DLK1: variants seen among roughly 807,000 people sequenced by gnomAD.
The protein encoded by DLK1 is delta like non-canonical Notch ligand 1.
In DLK1, 9 loss-of-function variants were observed where a neutral mutation model predicts 35.2. The observed-to-expected ratio is 0.26, with a 90% confidence interval of 0.15 to 0.45. The LOEUF (loss-of-function observed/expected upper bound fraction) is 0.45. Among genes scored for constraint, DLK1 ranks in the 20% least tolerant of loss-of-function variants. DLK1 has a pLI of 1.00. For synonymous variants in DLK1, 231 were observed against 228.4 expected, an observed-to-expected ratio of 1.01 and a Z score of -0.10; for missense variants, 522 against 528.5, an observed-to-expected ratio of 0.99 and a Z score of 0.12.
At position 100,734,671 on chromosome 14, in the gene DLK1, C is replaced by T. The variant is rs780782409; in HGVS notation, c.927C>T (p.Ile309=). 5.0e-6 allele frequency: 8 copies of T among 1,614,090 alleles called. No individual in the cohort carries two copies. Among genetic ancestry groups the T allele is most frequent in the Non-Finnish European group, 6.8e-6 (8 of 1,180,036 alleles). The change falls in exon 5 of 5, where the codon ATC becomes ATT. Residue 309 remains isoleucine, a synonymous_variant. Transcript: ENST00000341267. The surrounding 1 kb of genome is among the most constrained non-coding windows in gnomAD (Gnocchi z 7.4). ...AGGGCCAGGCCATCTGCTTCACCAT[C>T]CTGGGCGTGCTCACCAGCCTGGTGG... ...LTEGQAICFT[I]LGVLTSLVVL...
chr14:100,734,863 C>CTGA lies in DLK1; in HGVS notation c.1120_1121insGAT (p.Thr373_Phe374insTer). 6.2e-7 allele frequency: 1 copy of CTGA among 1,602,704 alleles called. No individual in the cohort carries two copies. Among genetic ancestry groups the CTGA allele is most frequent in the Non-Finnish European group, 8.5e-7 (1 of 1,174,426 alleles). On this transcript the variant is annotated stop_gained and inframe_insertion, in exon 5 of 5. Transcript: ENST00000341267. LOFTEE classifies it high-confidence loss of function. The surrounding 1 kb of genome is among the most constrained non-coding windows in gnomAD (Gnocchi z 7.4). The stretch of plus-strand genomic sequence containing the variant: ...TCCCCGAGAAGATCGACATGACCAC[C>CTGA]TTCAGCAAGGAGGCCGGCGACGAGG...
In DLK1 at chr14:100,734,446, G is replaced by A; in HGVS notation, c.702G>A (p.Leu234=). 6.2e-7 allele frequency: 1 copy of A among 1,612,086 alleles called. No individual in the cohort carries two copies. Among genetic ancestry groups the A allele is most frequent in the Non-Finnish European group, 8.5e-7 (1 of 1,179,192 alleles). The change falls in exon 5 of 5, where the codon CTG becomes CTA. Residue 234 remains leucine, a synonymous_variant. Transcript: ENST00000341267. The surrounding 1 kb of genome is among the most constrained non-coding windows in gnomAD (Gnocchi z 7.4). ...LQHTQVSYEC[L]CKPEFTGLTC... ...ACACCCAGGTGAGCTACGAGTGTCT[G>A]TGCAAGCCCGAGTTCACAGGTCTCA...
intron 2 of DLK1, 90 bp from the exon 3 acceptor site, chr14:100,728,846 G>T: frequency 6.5e-7 from 1 of 1,536,594 alleles, no homozygotes; most frequent in South Asian, 1.2e-5. Flanking sequence ...AGACCCCCAA[G>T]GGTCCTTGGT....
At position 100,737,581 on chromosome 14, in the gene DLK1, G is replaced by A; in HGVS notation, c.*2685G>A. 1 of 152,342 alleles carries A rather than the reference G, an allele frequency of 6.6e-6. No individual in the cohort carries two copies. Among genetic ancestry groups the A allele is most frequent in the Non-Finnish European group, 1.5e-5 (1 of 68,146 alleles). The allele number at this position is 152,342 out of a possible 1,614,324, so 9.4% of individuals were successfully genotyped here. On this transcript the variant is annotated 3_prime_UTR_variant, in exon 5 of 5. Coordinates refer to ENST00000341267, the MANE Select transcript of DLK1 (RefSeq NM_003836.7). ...CACCGTCCACAACCCATCTGATCAG[G>A]AAGCATTTCCAGGCACCTGCGGAGC... is the stretch of plus-strand genomic sequence containing the variant.
chr14:100,732,223 T>G, intron 4 of DLK1, 40 bp downstream of exon 4: 1 of 1,593,364 alleles, frequency 6.3e-7, no homozygotes, highest in Non-Finnish European at 8.6e-7. Flanking sequence ...GAATGCTGCT[T>G]TTCATGCGGC....
Position 100,731,999 on chromosome 14 carries a change from A to G in DLK1, c.263-43A>G, listed in dbSNP as rs966622956. 1.9e-6 allele frequency: 3 copies of G among 1,587,170 alleles called. No homozygotes were observed. In the South Asian group the frequency reaches 3.4e-5, roughly 18 times the overall value. On this transcript the variant is annotated intron_variant, in intron 3 of 4. Coordinates refer to ENST00000341267, the MANE Select transcript of DLK1 (RefSeq NM_003836.7). The stretch of plus-strand genomic sequence containing the variant: ...ACTGGGGCCCGCATCACGCTCGTGT[A>G]TGGAGAGGAAGCTAAGTTCTCGTCT...
At chr14:100,732,693 T>G (rs566093021) in intron 4 of DLK1, among the ~76,000 whole-genome samples, 1 of 152,126 alleles carries the variant, frequency 6.6e-6, no homozygotes, top group Non-Finnish European at 1.5e-5. Flanking sequence ...TCGGCTATCC[T>G]CAGTGGGGAA....
intron 3 of DLK1, among the ~76,000 whole-genome samples, chr14:100,730,923 A>G (rs1017854653): frequency 6.6e-6 from 1 of 151,934 alleles, no homozygotes; most frequent in Non-Finnish European, 1.5e-5. Context: ...TGAGAGGGGG[A>G]AAAAATACGC....
At position 100,728,448 on chromosome 14, in the gene DLK1, C is replaced by T. The variant is rs1358229758; in HGVS notation, c.120C>T (p.Asp40=). The change falls in exon 2 of 5, where the codon GAC becomes GAT. Residue 40 remains aspartate (D), a synonymous_variant. Transcript: ENST00000341267. The stretch of plus-strand genomic sequence containing the variant: ...CCCAAAATGGATTCTGCGAGGATGA[C>T]AATGTTTGCAGGTAATAGAGTGGCT... ...CNPQNGFCED[D]NVCRCQPGWQ... is the part of the protein sequence containing the mutation. 1.2e-6 allele frequency: 2 copies of T among 1,613,980 alleles called. No homozygotes were observed. Among genetic ancestry groups the T allele is most frequent in the Non-Finnish European group, 8.5e-7 (1 of 1,179,936 alleles).
In DLK1 at chr14:100,728,771, C is replaced by G. The variant is rs559373563; in HGVS notation, c.132-165C>G. The G allele has an allele frequency of 2.7e-5, 27 of 1,005,100 alleles. No individual in the cohort carries two copies. In the African/African-American group the frequency reaches 4.0e-4, roughly 15 times the overall value. The allele number at this position is 1,005,100 out of a possible 1,614,324, so 62.3% of individuals were successfully genotyped here. A position where few individuals can be genotyped will look rare whatever the true frequency, so the allele number is the denominator to read the frequency against. On this transcript the variant is annotated intron_variant, in intron 2 of 4. Coordinates refer to ENST00000341267, the MANE Select transcript of DLK1 (RefSeq NM_003836.7). ...GCCCCCTCAGCTTGGCATGTTTTCT[C>G]TTTAAGTTTTCCCATTCAGGTGGCT... is the stretch of plus-strand genomic sequence containing the variant.
intron 4 of DLK1, among the ~76,000 whole-genome samples, chr14:100,732,795 C>T (rs75560398): frequency 0.014 from 2,207 of 152,308 alleles, 42 homozygotes; most frequent in African/African-American, 0.05. Flanking sequence ...CCCAGCAGCT[C>T]AGCCTCTGCC....
chr14:100,734,946 C>T lies in DLK1; in HGVS notation c.*50C>T, dbSNP rs759340429. On this transcript the variant is annotated 3_prime_UTR_variant, in exon 5 of 5. Transcript: ENST00000341267. This position sits in a 1 kb window ranked among gnomAD's most constrained non-coding sequence, Gnocchi z 7.4. ...GATTCTTGGAGTTCCGCAGAGCTTA[C>T]TATACGCGGTCTGTCCTAATCTTTG... 4.6e-6 allele frequency: 7 copies of T among 1,523,084 alleles called. 1 individual carries two copies. In the Admixed American group the frequency reaches 1.4e-4, roughly 31 times the overall value. 94.3% of individuals were successfully genotyped at this position (1,523,084 alleles called of 1,614,324 possible).
intron 1 of DLK1, 66 bp from the exon 2 acceptor site, chr14:100,728,330 G>C (rs1183608321): frequency 1.3e-6 from 2 of 1,580,838 alleles, no homozygotes; most frequent in South Asian, 1.1e-5. Context: ...CTGTGTGGGC[G>C]AAGACAGCCT....
At chr14:100,728,068 C>T (rs1164916678) in intron 1 of DLK1, among the ~76,000 whole-genome samples, 1 of 152,192 alleles carries the variant, frequency 6.6e-6, no homozygotes, top group Non-Finnish European at 1.5e-5. Flanking sequence ...TATTTCCCTC[C>T]ACGGTCCCCG....
At position 100,728,988 on chromosome 14, in the gene DLK1, G is replaced by A. The variant is rs1461881937; in HGVS notation, c.184G>A (p.Gly62Ser). 3 of 1,614,060 alleles carry A rather than the reference G, an allele frequency of 1.9e-6. No individual in the cohort carries two copies. Among genetic ancestry groups the A allele is most frequent in the Non-Finnish European group, 1.7e-6 (2 of 1,180,022 alleles). ...TTGTGACCAGTGCGTGACCTCTCCC[G>A]GCTGCCTTCACGGACTCTGTGGAGA... ...PLCDQCVTSP[G>S]CLHGLCGEPG... The change falls in exon 3 of 5, where the codon GGC (glycine) becomes AGC (serine). Residue 62 changes from glycine (G) to serine (S), a missense_variant. Physicochemically the swap from Gly to Ser is moderately conservative, Grantham distance 56 (BLOSUM62 0). Coordinates refer to ENST00000341267, the MANE Select transcript of DLK1 (RefSeq NM_003836.7).
At position 100,732,151 on chromosome 14, in the gene DLK1, C is replaced by A. The variant is rs749564412; in HGVS notation, c.372C>A (p.Cys124Ter). Residue 124 changes from cysteine to a stop codon, truncating the protein, a stop_gained, in exon 4 of 5, where the codon TGC becomes TGA. Coordinates refer to ENST00000341267, the MANE Select transcript of DLK1 (RefSeq NM_003836.7). LOFTEE classifies it high-confidence loss of function. ...CCCCCGGGTACTCGGGAAAGGACTG[C>A]CAGAAAAAGGACGGGCCCTGTGTGA... is the stretch of plus-strand genomic sequence containing the variant. ...SCAPGYSGKD[C>*]QKKDGPCVIN... is the part of the protein sequence containing the mutation. The A allele has an allele frequency of 6.2e-7, 1 of 1,613,890 alleles. No homozygotes were observed. The highest frequency in any genetic ancestry group is 8.5e-7 in the Non-Finnish European group (1 of 1,179,932).
In DLK1 at chr14:100,735,078, CT is replaced by C; in HGVS notation, c.*183del. ...AATGCAAAAACAATCCTCTTTCTCT[CT>C]CTTAATGCATGATACAGAATAATAA... On this transcript the variant is annotated 3_prime_UTR_variant, in exon 5 of 5. Coordinates refer to ENST00000341267, the MANE Select transcript of DLK1 (RefSeq NM_003836.7). 1.6e-6 allele frequency: 1 copy of C among 625,188 alleles called. No homozygotes were observed. The highest frequency in any genetic ancestry group is 3.0e-5 in the East Asian group (1 of 33,344). 38.7% of individuals were successfully genotyped at this position (625,188 alleles called of 1,614,324 possible). A position where few individuals can be genotyped will look rare whatever the true frequency, so the allele number is the denominator to read the frequency against.
intron 3 of DLK1, 152 bp from the exon 4 acceptor site, chr14:100,731,890 C>CA: frequency 1.1e-6 from 1 of 934,540 alleles, no homozygotes; most frequent in Non-Finnish European, 1.5e-6. Context: ...TCAGCTTACT[C>CA]ACTTCATGGG....
At chr14:100,728,821 G>A (rs2036471808) in intron 2 of DLK1, 115 bp from the exon 3 acceptor site, 1 of 1,367,986 alleles carries the variant, frequency 7.3e-7, no homozygotes, top group African/African-American at 1.4e-5. Context: ...AGGACCACCG[G>A]CTGCCACTGT....
Sources: gnomAD v4.1 joint callset for allele counts (sites outside exome capture counted in the v4.1 genomes callset) on GRCh38, gnomAD v4.1.1 for gene constraint, Gnocchi (gnomAD v3.1) non-coding constraint, MANE v1.5 for transcripts, NCBI Gene and HGNC (gene_info 2026-07-23, HGNC 2026-07-21) for gene names.